The following PSD3 variants were observed in gnomAD, a reference collection of about 807,000 sequenced individuals.
The protein encoded by PSD3 is PH and SEC7 domain-containing protein 3.
In PSD3, 49 loss-of-function variants were observed where a neutral mutation model predicts 105.5. The ratio of observed to expected loss-of-function variants is 0.46; its 90% confidence interval spans 0.37 to 0.59. The LOEUF is 0.59. Among genes scored for constraint, PSD3 ranks in the 20% least tolerant of loss-of-function variants. The pLI is 0.00. For missense variants in PSD3, 1,561 were observed against 1,263.8 expected (o/e 1.24, Z -3.57); for synonymous variants, 557 against 457.8 (o/e 1.22, Z -2.77).
rs568949786 is a variant in PSD3 at position 19,050,395 on chromosome 8, A to C, written c.324+33811T>G. Among the ~76,000 whole-genome samples the C allele has an allele frequency of 2.6e-4, 40 of 152,322 alleles. No individual in the cohort carries two copies. In the East Asian group the frequency reaches 7.7e-3, roughly 29 times the overall value. On this transcript the variant is annotated intron_variant, in intron 1 of 1. Transcript: ENST00000521475. ...TAAAGACACATGCACACGTATGTTT[A>C]TTGCAGCACTATTCACAATAACAAA...
At chr8:18,648,392 G>A (rs1808217527) in intron 10 of PSD3, among the ~76,000 whole-genome samples, 1 of 151,968 alleles carries the variant, frequency 6.6e-6, no homozygotes. Flanking sequence ...AGAACTTGGA[G>A]GCACTGTGCC....
intron 1 of PSD3, among the ~76,000 whole-genome samples, chr8:19,040,974 C>A (rs1397801090): frequency 3.3e-5 from 5 of 152,134 alleles, no homozygotes; most frequent in African/African-American, 1.2e-4. Context: ...CACATTGCAG[C>A]CTTGAACGCC....
At chr8:18,549,148 T>C (rs1563311489) in intron 15 of PSD3, among the ~76,000 whole-genome samples, 1 of 151,136 alleles carries the variant, frequency 6.6e-6, no homozygotes, top group African/African-American at 2.4e-5. Flanking sequence ...AAACTGTTCT[T>C]CTTATACTCA....
chr8:18,886,949 C>G (rs1345878159), intron 2 of PSD3: 1 of 152,128 alleles, frequency 6.6e-6, no homozygotes, highest in African/African-American at 2.4e-5. Context: ...AAACAGCCAC[C>G]GTAGGGCGTT....
chr8:18,826,272 G>A (rs1377763036), intron 4 of PSD3, among the ~76,000 whole-genome samples: 1 of 152,126 alleles, frequency 6.6e-6, no homozygotes, highest in Non-Finnish European at 1.5e-5. Flanking sequence ...CCGATCGTGG[G>A]ACTTCTTGGC....
At chr8:18,985,860 T>C (rs997942317) in intron 1 of PSD3, among the ~76,000 whole-genome samples, 6 of 152,054 alleles carry the variant, frequency 3.9e-5, no homozygotes, top group Non-Finnish European at 5.9e-5. Flanking sequence ...CATTCATGGA[T>C]ACTTTTTTTA....
intron 1 of PSD3, among the ~76,000 whole-genome samples, chr8:19,061,884 C>T (rs560782784): frequency 4.6e-5 from 7 of 152,074 alleles, no homozygotes; most frequent in African/African-American, 1.4e-4. Flanking sequence ...TCTTCTTATC[C>T]TTATTTTAGC....
chr8:18,834,457 A>G (rs759143066), intron 4 of PSD3, among the ~76,000 whole-genome samples: 85 of 152,336 alleles, frequency 5.6e-4, no homozygotes, highest in Non-Finnish European at 1.0e-3. Flanking sequence ...TCCTTGTGTC[A>G]GGGCTAGAGA....
At chr8:18,908,379 C>T (rs1819980875) in intron 2 of PSD3, among the ~76,000 whole-genome samples, 2 of 152,132 alleles carry the variant, frequency 1.3e-5, no homozygotes, top group Non-Finnish European at 2.9e-5. Context: ...ATCTACTATC[C>T]TCCACAACAT....
At position 18,871,839 on chromosome 8, in the gene PSD3, C is replaced by A. The variant is rs189891634; in HGVS notation, c.1025G>T (p.Arg342Leu). The stretch of plus-strand genomic sequence containing the variant: ...CAAACCAGCTGATGAGATGAGATGG[C>A]GTGGCACTTTGGAAGACTCTTTGCT... ...PDSKESSKVPRHLISSAGLCN... is the reference protein window; with the variant it reads ...PDSKESSKVPLHLISSAGLCN... The change falls in exon 3 of 16, where the codon CGC (arginine) becomes CTC (leucine). Residue 342 changes from arginine (R) to leucine (L), a missense_variant. Transcript: ENST00000327040. The A allele has an allele frequency of 5.6e-6, 9 of 1,614,174 alleles. No homozygotes were observed. The South Asian group carries it at 7.7e-5, about 14-fold the overall frequency.
intron 2 of PSD3, among the ~76,000 whole-genome samples, chr8:18,903,207 G>A: frequency 6.6e-6 from 1 of 152,198 alleles, no homozygotes; most frequent in East Asian, 1.9e-4. Flanking sequence ...CTCCAGGAAA[G>A]TGATACTCTG....
chr8:18,580,504 C>G (rs28493859), intron 12 of PSD3, among the ~76,000 whole-genome samples: 1 of 151,932 alleles, frequency 6.6e-6, no homozygotes, highest in Non-Finnish European at 1.5e-5. Flanking sequence ...GAACTGTGAT[C>G]GCACCACTGT....
rs1057152193 is a variant in PSD3, at chr8:18,561,585, G to A, written c.2785-5233C>T. On this transcript the variant is annotated intron_variant, in intron 14 of 15. Transcript: ENST00000327040. ...ATAATGCACTGTGTATTTCAAACTT[G>A]CTCAAAGAATAGAATTTAAGTGTTC... 2.3e-4 allele frequency among the ~76,000 whole-genome samples: 35 copies of A among 152,180 alleles called. 1 individual carries two copies. The highest frequency in any genetic ancestry group is 1.9e-3 in the East Asian group (10 of 5,192).
intron 4 of PSD3, among the ~76,000 whole-genome samples, chr8:18,806,392 C>T (rs1811199674): frequency 6.6e-6 from 1 of 152,198 alleles, no homozygotes; most frequent in South Asian, 2.1e-4. Context: ...CTAGAAAGGG[C>T]TTAAAGACTA....
chr8:18,918,625 C>T (rs1010948676), intron 2 of PSD3, among the ~76,000 whole-genome samples: 1 of 152,172 alleles, frequency 6.6e-6, no homozygotes, highest in Non-Finnish European at 1.5e-5. Context: ...AAAACTAGGC[C>T]TCTTGATTCT....
At chr8:18,848,748 A>C (rs1038677912) in intron 4 of PSD3, among the ~76,000 whole-genome samples, 11 of 152,314 alleles carry the variant, frequency 7.2e-5, no homozygotes, top group African/African-American at 1.9e-4. Flanking sequence ...CTCACAGAGG[A>C]GTCCCAGAAT....
At chr8:18,678,494 G>T (rs186402770) in intron 9 of PSD3, among the ~76,000 whole-genome samples, 98 of 152,090 alleles carry the variant, frequency 6.4e-4, no homozygotes, top group Non-Finnish European at 1.2e-3. Flanking sequence ...TGTTCTCTTC[G>T]CCTTGCTTCT....
intron 1 of PSD3, among the ~76,000 whole-genome samples, chr8:19,032,735 T>A (rs1827812317): frequency 6.6e-6 from 1 of 151,714 alleles, no homozygotes; most frequent in Admixed American, 6.6e-5. Flanking sequence ...GTTTTTCAGG[T>A]AGGAAAATAT....
At chr8:18,583,193 C>T (rs1372238779) in intron 12 of PSD3, among the ~76,000 whole-genome samples, 1 of 152,126 alleles carries the variant, frequency 6.6e-6, no homozygotes, top group Non-Finnish European at 1.5e-5. Context: ...AATCCCTGCA[C>T]TTTGGGAGGT....
Sources: allele counts gnomAD v4.1 joint callset (sites outside exome capture counted in the v4.1 genomes callset), GRCh38; gene constraint gnomAD v4.1.1; transcripts MANE v1.5; gene names NCBI Gene and HGNC (gene_info 2026-07-23, HGNC 2026-07-21).